Variants in ADAM12 observed in about 807,000 individuals in gnomAD.
ADAM12 encodes the protein disintegrin and metalloproteinase domain-containing protein 12.
Under a neutral mutation model 106.4 loss-of-function variants are expected in ADAM12, and 70 were observed. That is an observed-to-expected ratio of 0.66 (90% CI 0.54 to 0.80). The LOEUF is 0.80. ADAM12 is among the 30% of genes least tolerant of loss of function. ADAM12 has a pLI of 0.00. For synonymous variants in ADAM12, 420 were observed against 433.5 expected (o/e 0.97, Z 0.39); for missense variants, 1,010 against 1,171.9 (o/e 0.86, Z 2.02).
At chr10:126,290,577 T>A (rs575709350) in intron 2 of ADAM12, among the ~76,000 whole-genome samples, 2 of 152,354 alleles carry the variant, frequency 1.3e-5, no homozygotes, top group South Asian at 4.1e-4. Flanking sequence ...ATCAAACTGC[T>A]ACTGCACAGC....
At chr10:126,081,737 A>C (rs1420176945) in intron 11 of ADAM12, among the ~76,000 whole-genome samples, 2 of 152,370 alleles carry the variant, frequency 1.3e-5, no homozygotes, top group East Asian at 3.9e-4. Flanking sequence ...CAAAAAGATC[A>C]AAGTCTGGTT....
intron 3 of ADAM12, among the ~76,000 whole-genome samples, chr10:126,164,291 T>C (rs1956987353): frequency 6.6e-6 from 1 of 152,224 alleles, no homozygotes; most frequent in Non-Finnish European, 1.5e-5. Context: ...GTTTGTCAAT[T>C]AACACCAGCA....
intron 17 of ADAM12, among the ~76,000 whole-genome samples, chr10:126,044,044 A>G (rs1954249857): frequency 6.6e-6 from 1 of 152,034 alleles, no homozygotes; most frequent in African/African-American, 2.4e-5. Flanking sequence ...TGCTGGTTGG[A>G]CTCGCTATTA....
intron 6 of ADAM12, 88 bp downstream of exon 6, chr10:126,117,950 G>A: frequency 1.4e-6 from 2 of 1,447,280 alleles, no homozygotes; most frequent in Admixed American, 1.8e-5. Context: ...CATCTAGATG[G>A]CAACATTTCT....
chr10:126,272,104 A>C (rs1171882233), intron 3 of ADAM12, among the ~76,000 whole-genome samples: 3 of 152,122 alleles, frequency 2.0e-5, no homozygotes, highest in Non-Finnish European at 4.4e-5. Flanking sequence ...CCTCCTGAGC[A>C]CTGAGCAATG....
At position 126,071,647 on chromosome 10, in the gene ADAM12, A is replaced by G; in HGVS notation, c.1153T>C (p.Phe385Leu). 6.2e-7 allele frequency: 1 copy of G among 1,614,056 alleles called. No homozygotes were observed. The highest frequency in any genetic ancestry group is 1.1e-5 in the South Asian group (1 of 91,044). ...CTGCAACTGCTGAACACCATGGGAA[A>G]TGGGTACCTGAGAAAGGAGAGCCCA... The part of the protein sequence containing the change: ...CIMNASTGYP[F>L]PMVFSSCSRK... The change falls in exon 12 of 23, where the codon TTT becomes CTT. Residue 385 changes from phenylalanine (F) to leucine (L), a missense_variant. Coordinates refer to ENST00000448723, the MANE Select transcript of ADAM12 (RefSeq NM_001288973.2).
intron 3 of ADAM12, among the ~76,000 whole-genome samples, chr10:126,263,597 T>C (rs1959042149): frequency 6.6e-6 from 1 of 152,166 alleles, no homozygotes; most frequent in Non-Finnish European, 1.5e-5. Context: ...GCAGACATGT[T>C]AGTTTGTTGG....
intron 3 of ADAM12, among the ~76,000 whole-genome samples, chr10:126,191,008 TTTTTTTTTTTTC>T (rs1394535171): frequency 0.022 from 2,874 of 129,786 alleles, 135 homozygotes; most frequent in African/African-American, 0.084. Flanking sequence ...TTTTTTTTTT[TTTTTTTTTTTTC>T]AGACAGAGTC....
At chr10:126,062,551 T>G (rs1954779617) in intron 14 of ADAM12, among the ~76,000 whole-genome samples, 1 of 152,174 alleles carries the variant, frequency 6.6e-6, no homozygotes, top group Admixed American at 6.5e-5. Context: ...GTTCTCTCTC[T>G]GGTCAGGCAG....
At chr10:126,041,405 ATTG>A in intron 18 of ADAM12, 1 of 985,606 alleles carries the variant, frequency 1.0e-6, no homozygotes, top group South Asian at 4.7e-5. Flanking sequence ...AGGCTCTTAC[ATTG>A]TTTTCACTTT....
rs943964315 is a variant in ADAM12 at position 126,113,472 on chromosome 10, C to G, written c.604-3632G>C. ...GTCAGGAGTTCAAGACCAGCCTGATCAACATGGTAAAACCCTGTCTCTGCT... is the reference window on the plus strand; with the variant it reads ...GTCAGGAGTTCAAGACCAGCCTGATGAACATGGTAAAACCCTGTCTCTGCT... On this transcript the variant is annotated intron_variant, in intron 6 of 22. Coordinates refer to ENST00000448723, the MANE Select transcript of ADAM12 (RefSeq NM_001288973.2). Among the ~76,000 whole-genome samples the G allele has an allele frequency of 4.0e-5, 6 of 150,656 alleles. No homozygotes were observed. The South Asian group carries it at 6.3e-4, about 16-fold the overall frequency.
intron 1 of ADAM12, among the ~76,000 whole-genome samples, chr10:126,372,853 G>A (rs1009899523): frequency 6.6e-6 from 1 of 152,180 alleles, no homozygotes; most frequent in Non-Finnish European, 1.5e-5. Context: ...TTTTAAAGGA[G>A]AGCAGAGACA....
chr10:126,142,765 A>T (rs1227898730), intron 4 of ADAM12, among the ~76,000 whole-genome samples: 1 of 152,234 alleles, frequency 6.6e-6, no homozygotes, highest in Non-Finnish European at 1.5e-5. Flanking sequence ...TAAGAAGGTG[A>T]AGTCATTTCC....
chr10:126,310,978 T>C lies in ADAM12; in HGVS notation c.186+19434A>G, dbSNP rs1373118623. On this transcript the variant is annotated intron_variant, in intron 2 of 22. Coordinates refer to ENST00000448723, the MANE Select transcript of ADAM12 (RefSeq NM_001288973.2). ...GCCTTTAGGGAATGCCAGTCTTCATTAAGGGTCGTTGCAGGGAAAATCTCT... is the reference window on the plus strand; with the variant it reads ...GCCTTTAGGGAATGCCAGTCTTCATCAAGGGTCGTTGCAGGGAAAATCTCT... Among the ~76,000 whole-genome samples, 4 of 152,064 alleles carry C rather than the reference T, an allele frequency of 2.6e-5. No individual in the cohort carries two copies. The East Asian group carries it at 7.7e-4, about 29-fold the overall frequency.
chr10:126,044,012 C>T (rs574447658), intron 17 of ADAM12, among the ~76,000 whole-genome samples: 10 of 152,276 alleles, frequency 6.6e-5, no homozygotes, highest in South Asian at 2.1e-4. Flanking sequence ...CTACTGATGG[C>T]GGCCACTCCC....
At chr10:126,372,552 C>T (rs983470462) in intron 1 of ADAM12, among the ~76,000 whole-genome samples, 2 of 152,166 alleles carry the variant, frequency 1.3e-5, no homozygotes, top group African/African-American at 2.4e-5. Context: ...ATAACTACAA[C>T]GCCAGAACAC....
At chr10:126,218,788 G>C (rs1171336408) in intron 3 of ADAM12, among the ~76,000 whole-genome samples, 1 of 152,190 alleles carries the variant, frequency 6.6e-6, no homozygotes, top group East Asian at 1.9e-4. Flanking sequence ...TTCTACCCCA[G>C]TTCTCATGTG....
intron 10 of ADAM12, among the ~76,000 whole-genome samples, chr10:126,096,832 T>C (rs1434724500): frequency 6.6e-6 from 1 of 152,256 alleles, no homozygotes; most frequent in Admixed American, 6.5e-5. Context: ...CTAAAACATA[T>C]TTCCTGATAA....
At chr10:126,153,272 T>C (rs1956759944) in intron 4 of ADAM12, among the ~76,000 whole-genome samples, 1 of 152,216 alleles carries the variant, frequency 6.6e-6, no homozygotes, top group South Asian at 2.1e-4. Context: ...AAGTTTATTG[T>C]TGGTTTAGTT....
Sources: gnomAD v4.1 joint callset for allele counts (sites outside exome capture counted in the v4.1 genomes callset) on GRCh38, gnomAD v4.1.1 for gene constraint, MANE v1.5 for transcripts, NCBI Gene and HGNC (gene_info 2026-07-23, HGNC 2026-07-21) for gene names.